Variants in SETD1B observed in about 807,000 individuals in gnomAD.
SETD1B encodes SET domain containing 1B, histone lysine methyltransferase, also known as histone-lysine N-methyltransferase SETD1B.
SETD1B carries 7 observed loss-of-function variants against 148.0 expected under a neutral mutation model. That is an observed-to-expected ratio of 0.05 (90% confidence interval 0.03 to 0.09). SETD1B has a LOEUF of 0.09. Ranked by LOEUF, SETD1B falls within the 10% of genes least tolerant of loss-of-function variation. The pLI is 1.00. For missense variants in SETD1B, 2,155 were observed against 2,729.9 expected, an observed-to-expected ratio of 0.79 and a Z score of 4.69; for synonymous variants, 1,361 against 1,186.5, an observed-to-expected ratio of 1.15 and a Z score of -3.02.
At chr12:121,795,434 G>C in the SETD1B span, 46 of 152,296 alleles carry the variant, frequency 3.0e-4, no homozygotes, top group Non-Finnish European at 4.1e-4. Flanking sequence ...GGCAGGCAGG[G>C]AAAGTAGGGT....
Position 121,810,898 on chromosome 12 carries a change from C to G in SETD1B, c.1890+63C>G. ...TGTCTATCTTGTATCTCCCTTTCCC[C>G]CTTCAAGCATTTAGCATGACTAGCT... is the stretch of plus-strand genomic sequence containing the variant. On this transcript the variant is annotated intron_variant, in intron 6 of 16. Transcript: ENST00000604567. The surrounding 1 kb of genome is among the most constrained non-coding windows in gnomAD (Gnocchi z 7.6). 1 of 1,439,588 alleles carries G rather than the reference C, an allele frequency of 6.9e-7. No homozygotes were observed. Among genetic ancestry groups the G allele is most frequent in the South Asian group, 1.5e-5 (1 of 66,782 alleles). 89.2% of individuals were successfully genotyped at this position (1,439,588 alleles called of 1,614,324 possible).
In SETD1B at chr12:121,805,723, C is replaced by A; in HGVS notation, c.274-112C>A. 24 of 968,968 alleles carry A rather than the reference C, an allele frequency of 2.5e-5. No homozygotes were observed. The highest frequency in any genetic ancestry group is 3.3e-5 in the Non-Finnish European group (23 of 694,470). 60.0% of individuals were successfully genotyped at this position (968,968 alleles called of 1,614,324 possible). ...TTTTTTTTAATTTTTAGTTTTTTTA[C>A]CCTTTATTGTTTTCAACGGGTGGGC... On this transcript the variant is annotated intron_variant, in intron 3 of 16. Transcript: ENST00000604567. This position sits in a 1 kb window ranked among gnomAD's most constrained non-coding sequence, Gnocchi z 4.2.
At chr12:121,824,568 A>G (rs1281979902) in intron 12 of SETD1B, among the ~76,000 whole-genome samples, 3 of 151,584 alleles carry the variant, frequency 2.0e-5, no homozygotes, top group African/African-American at 7.3e-5. Context: ...AATTGCTTGA[A>G]CCCGGGAGGC....
chr12:121,795,059 G>A, the SETD1B span, among the ~76,000 whole-genome samples: 1 of 152,158 alleles, frequency 6.6e-6, no homozygotes, highest in Non-Finnish European at 1.5e-5. Flanking sequence ...CAGTTCCATG[G>A]TCAAGGTTCT....
rs1266358736 is a variant in SETD1B at position 121,831,553 on chromosome 12, C to G, written c.*1314C>G. The G allele has an allele frequency of 6.6e-6, 1 of 151,922 alleles. No homozygotes were observed. The highest frequency in any genetic ancestry group is 2.4e-5 in the African/African-American group (1 of 41,358). 9.4% of individuals were successfully genotyped at this position (151,922 alleles called of 1,614,324 possible). ...TATAGAGGCTGCCGCAAAGGACTTT[C>G]TCTTGGGAACATTGTTTCTTGTAGA... On this transcript the variant is annotated 3_prime_UTR_variant, in exon 17 of 17. Coordinates refer to ENST00000604567, the MANE Select transcript of SETD1B (RefSeq NM_001353345.2).
rs1286235013 is a variant in SETD1B, at chr12:121,825,208, C to A, written c.5179C>A (p.Leu1727Ile). 1.9e-6 allele frequency: 3 copies of A among 1,551,432 alleles called. No homozygotes were observed. The highest frequency in any genetic ancestry group is 2.6e-6 in the Non-Finnish European group (3 of 1,146,992). ...CCTTGACCCACACCCACCCACCAGC[C>A]TCTCTTCAGCTAAGAAGAAGAAACG... ...TLWVYHPSTS[L>I]SSAKKKKRDD... is the part of the protein sequence containing the mutation. The change falls in exon 13 of 17, where the codon CTC becomes ATC. Residue 1727 changes from leucine to isoleucine, a missense_variant. By Grantham distance (5) the Leu-to-Ile change is conservative. Around this residue, in one of 11 missense-constraint regions of SETD1B, gnomAD observed 96 missense variants for 148.7 expected, o/e 0.65. Transcript: ENST00000604567.
intron 16 of SETD1B, among the ~76,000 whole-genome samples, chr12:121,829,378 C>G (rs1369548016): frequency 6.6e-6 from 1 of 152,164 alleles, no homozygotes; most frequent in Non-Finnish European, 1.5e-5. Flanking sequence ...ACTGAACTCA[C>G]CGGCCCTGGT....
chr12:121,821,439 A>G (rs1876562521), intron 11 of SETD1B, among the ~76,000 whole-genome samples: 1 of 150,736 alleles, frequency 6.6e-6, no homozygotes, highest in Admixed American at 6.6e-5. Context: ...ACTGTCTTAA[A>G]AAAAAAAAAA....
chr12:121,794,536 C>T, the SETD1B span, among the ~76,000 whole-genome samples: 1 of 152,228 alleles, frequency 6.6e-6, no homozygotes, highest in Admixed American at 6.5e-5. Flanking sequence ...TAACCCCACA[C>T]CCACCAAGAA....
rs1259285566 is a variant in SETD1B, at chr12:121,827,836, G to A, written c.5571G>A (p.Val1857=). The A allele has an allele frequency of 3.2e-6, 5 of 1,560,158 alleles. No homozygotes were observed. Among genetic ancestry groups the A allele is most frequent in the Admixed American group, 3.8e-5 (2 of 52,184 alleles). Residue 1857 remains valine (V), a synonymous_variant, in exon 15 of 17, where the codon GTG becomes GTA. Coordinates refer to ENST00000604567, the MANE Select transcript of SETD1B (RefSeq NM_001353345.2). ...CTGACGAGATGGTCATCGAGTACGT[G>A]GGCCAGAATATCCGTCAGGTAGGCA... The part of the protein sequence containing the change: ...IAADEMVIEY[V]GQNIRQVIAD...
rs1164337666 is a variant in SETD1B, at chr12:121,808,215, C to G, written c.552C>G (p.Thr184=). 1.3e-6 allele frequency: 2 copies of G among 1,551,134 alleles called. No homozygotes were observed. Among genetic ancestry groups the G allele is most frequent in the East Asian group, 2.4e-5 (1 of 40,896 alleles). ...TTTCCTGCCCATCTACAGGGGAAAC[C>G]CGAATGCGGTTCTATGAACTGTTGG... ...IHVELDTKGE[T]RMRFYELLVT... is the part of the protein sequence containing the mutation. The change falls in exon 5 of 17, where the codon ACC becomes ACG. Residue 184 remains threonine, a synonymous_variant. Coordinates refer to ENST00000604567, the MANE Select transcript of SETD1B (RefSeq NM_001353345.2). This position sits in a 1 kb window ranked among gnomAD's most constrained non-coding sequence, Gnocchi z 5.3.
At chr12:121,816,203 AAG>A (rs1210172791) in intron 7 of SETD1B, among the ~76,000 whole-genome samples, 25 of 151,926 alleles carry the variant, frequency 1.6e-4, no homozygotes, top group Non-Finnish European at 3.5e-4. Context: ...TTTTCTCCAT[AAG>A]AGAGAACTTT....
rs1319860384 is a variant in SETD1B at position 121,804,697 on chromosome 12, A to G, written c.-14-27A>G. ...GCGGCCGCCGCCGCCGCCGCGGCGG[A>G]GACGACAACAACTTGCTGGTTTTCA... On this transcript the variant is annotated intron_variant, in intron 1 of 16. Coordinates refer to ENST00000604567, the MANE Select transcript of SETD1B (RefSeq NM_001353345.2). The surrounding 1 kb of genome is among the most constrained non-coding windows in gnomAD (Gnocchi z 4.6). 1.3e-6 allele frequency: 2 copies of G among 1,536,808 alleles called. No individual in the cohort carries two copies. Among genetic ancestry groups the G allele is most frequent in the Non-Finnish European group, 1.8e-6 (2 of 1,141,564 alleles).
rs930292006 is a variant in SETD1B, at chr12:121,817,532, C to T, written c.3140C>T (p.Ser1047Leu). 1.3e-6 allele frequency: 2 copies of T among 1,551,452 alleles called. No homozygotes were observed. The highest frequency in any genetic ancestry group is 1.7e-6 in the Non-Finnish European group (2 of 1,146,960). ...GAGTCATTGTCGGCGTCCTCGTCCTCATCCGCGTCATCATCCTCGGGGTCC... is the reference window on the plus strand; with the variant it reads ...GAGTCATTGTCGGCGTCCTCGTCCTTATCCGCGTCATCATCCTCGGGGTCC... ...EKESLSASSS[S>L]SASSSSGSST... Residue 1047 changes from serine (S) to leucine (L), a missense_variant, in exon 9 of 17, where the codon TCA becomes TTA. By Grantham distance (145) the Ser-to-Leu change is moderately radical (BLOSUM62 -2). Coordinates refer to ENST00000604567, the MANE Select transcript of SETD1B (RefSeq NM_001353345.2). This position sits in a 1 kb window ranked among gnomAD's most constrained non-coding sequence, Gnocchi z 8.1.
chr12:121,823,324 C>T lies in SETD1B; in HGVS notation c.4745C>T (p.Pro1582Leu), dbSNP rs1425784173. ...LDFRNAGIPA[P>L]PPPLPPQPPP... Reference sequence around the variant, plus strand: ...TTCCGGAACGCGGGGATCCCAGCCCCTCCACCACCCCTTCCCCCCCAGCCA... The same window carrying T: ...TTCCGGAACGCGGGGATCCCAGCCCTTCCACCACCCCTTCCCCCCCAGCCA... The change falls in exon 12 of 17, where the codon CCT becomes CTT. Residue 1582 changes from proline to leucine, a missense_variant. This residue lies in a region of SETD1B where 862 missense variants were observed against 873.8 expected (regional missense o/e 0.99). Transcript: ENST00000604567. The T allele has an allele frequency of 3.3e-6, 5 of 1,528,670 alleles. No homozygotes were observed. The highest frequency in any genetic ancestry group is 4.9e-5 in the East Asian group (2 of 40,624). The allele number at this position is 1,528,670 out of a possible 1,614,324, so 94.7% of individuals were successfully genotyped here.
intron 5 of SETD1B, among the ~76,000 whole-genome samples, chr12:121,809,018 C>T (rs778417102): frequency 1.6e-4 from 25 of 152,268 alleles, no homozygotes; most frequent in Admixed American, 1.2e-3. Context: ...TACAGGCACA[C>T]GCCACCACAC....
chr12:121,828,240 G>C (rs557604748), intron 16 of SETD1B, among the ~76,000 whole-genome samples, 170 bp downstream of exon 16: 1 of 152,262 alleles, frequency 6.6e-6, no homozygotes, highest in Non-Finnish European at 1.5e-5. Context: ...TTTACCAGGA[G>C]CTCTACTCCT....
chr12:121,826,703 C>T (rs1220120154), intron 13 of SETD1B, among the ~76,000 whole-genome samples: 4 of 152,044 alleles, frequency 2.6e-5, no homozygotes, highest in African/African-American at 9.7e-5. Flanking sequence ...CGGGTTGCTG[C>T]GGTTTCCAGA....
At chr12:121,796,486 C>T in the SETD1B span, among the ~76,000 whole-genome samples, 1 of 152,204 alleles carries the variant, frequency 6.6e-6, no homozygotes, top group Non-Finnish European at 1.5e-5. Flanking sequence ...CTGGAGGCAA[C>T]GCTGTGGCAC....
Sources: gnomAD v4.1 joint callset for allele counts (sites outside exome capture counted in the v4.1 genomes callset) on GRCh38, gnomAD v4.1.1 for gene constraint, gnomAD v4.1.1 regional missense constraint, Gnocchi (gnomAD v3.1) non-coding constraint, MANE v1.5 for transcripts, NCBI Gene and HGNC (gene_info 2026-07-23, HGNC 2026-07-21) for gene names.